The following EPAS1 variants were observed in gnomAD, a reference collection of about 807,000 sequenced individuals.
EPAS1 encodes the protein endothelial PAS domain-containing protein 1.
A neutral mutation model predicts 87.9 loss-of-function variants in EPAS1; 23 were observed. The ratio of observed to expected loss-of-function variants is 0.26; its 90% CI spans 0.19 to 0.37. The LOEUF (loss-of-function observed/expected upper bound fraction) is 0.37, where lower values mean the gene tolerates loss of function less well. EPAS1 is among the 10% of genes least tolerant of loss of function. The pLI is 1.00. For missense variants in EPAS1, 1,138 were observed against 1,120.7 expected (o/e 1.02, Z -0.22); for synonymous variants, 508 against 444.3 (o/e 1.14, Z -1.80).
chr2:46,312,375 C>T (rs894126699), intron 1 of EPAS1, among the ~76,000 whole-genome samples: 5 of 152,114 alleles, frequency 3.3e-5, no homozygotes, highest in South Asian at 4.1e-4. Context: ...AACCCCTTTC[C>T]TAAGTGGGGT....
At chr2:46,357,297 G>A (rs1239561622) in intron 4 of EPAS1, among the ~76,000 whole-genome samples, 1 of 152,200 alleles carries the variant, frequency 6.6e-6, no homozygotes, top group Non-Finnish European at 1.5e-5. Flanking sequence ...AGTCATCTGG[G>A]GGCCAGACTA....
intron 14 of EPAS1, 95 bp downstream of exon 14, chr2:46,382,184 G>C: frequency 8.2e-7 from 1 of 1,215,858 alleles, no homozygotes; most frequent in Admixed American, 2.0e-5. Context: ...ACCACAGGCC[G>C]TACCTGCCTC....
rs190705037 is a variant in EPAS1 at position 46,379,697 on chromosome 2, A to T, written c.1555-530A>T. 6.3e-4 allele frequency: 114 copies of T among 179,836 alleles called. 1 individual carries two copies. The highest frequency in any genetic ancestry group is 2.6e-3 in the African/African-American group (111 of 42,456). 11.1% of individuals were successfully genotyped at this position (179,836 alleles called of 1,614,324 possible). ...TAAGGGATGATCTGAGTATCTGCTGATTGGAACCAAAGTCTCTGTCCCTGG... is the reference window on the plus strand; with the variant it reads ...TAAGGGATGATCTGAGTATCTGCTGTTTGGAACCAAAGTCTCTGTCCCTGG... On this transcript the variant is annotated intron_variant, in intron 11 of 15. Transcript: ENST00000263734.
chr2:46,353,167 G>A (rs1016438490), intron 2 of EPAS1, among the ~76,000 whole-genome samples: 2 of 152,194 alleles, frequency 1.3e-5, no homozygotes, highest in Non-Finnish European at 2.9e-5. Context: ...TGTGATTGAA[G>A]TGGCGCTGAA....
intron 2 of EPAS1, among the ~76,000 whole-genome samples, chr2:46,353,242 C>T (rs148754344): frequency 1.6e-3 from 239 of 152,270 alleles, no homozygotes; most frequent in African/African-American, 5.1e-3. Context: ...TAAGGTCACT[C>T]GTAGGATCTT....
intron 1 of EPAS1, among the ~76,000 whole-genome samples, chr2:46,342,948 G>C (rs1023954745): frequency 6.6e-6 from 1 of 152,116 alleles, no homozygotes; most frequent in African/African-American, 2.4e-5. Flanking sequence ...CCACCTCGGG[G>C]AGAGTAACTA....
intron 15 of EPAS1, 54 bp downstream of exon 15, chr2:46,382,652 G>C (rs1328475426): frequency 6.2e-7 from 1 of 1,607,304 alleles, no homozygotes; most frequent in Non-Finnish European, 8.5e-7. Context: ...GCCAGGGGAA[G>C]CCCACGTCTA....
In EPAS1 at chr2:46,380,184, G is replaced by A. The variant is rs375663565; in HGVS notation, c.1555-43G>A. The A allele has an allele frequency of 1.4e-5, 23 of 1,601,590 alleles. No individual in the cohort carries two copies. The highest frequency in any genetic ancestry group is 8.9e-5 in the East Asian group (4 of 44,886). On this transcript the variant is annotated intron_variant, in intron 11 of 15. Coordinates refer to ENST00000263734, the MANE Select transcript of EPAS1 (RefSeq NM_001430.5). This position sits in a 1 kb window ranked among gnomAD's most constrained non-coding sequence, Gnocchi z 4.4. The stretch of plus-strand genomic sequence containing the variant: ...GAGTTGGAATAGTGTTTGTGAGGTC[G>A]TACCAACCCCCTTGCCTCTTTGCCG...
chr2:46,369,550 G>T (rs1024653123), intron 6 of EPAS1, among the ~76,000 whole-genome samples: 1 of 152,172 alleles, frequency 6.6e-6, no homozygotes, highest in Admixed American at 6.5e-5. Context: ...TGTGTGTACC[G>T]GGGTGGTGGG....
chr2:46,352,223 T>C (rs1372778397), intron 2 of EPAS1, among the ~76,000 whole-genome samples: 1 of 152,206 alleles, frequency 6.6e-6, no homozygotes, highest in East Asian at 1.9e-4. Flanking sequence ...GCACCTACTC[T>C]GGGCTCCTCA....
chr2:46,325,952 C>T lies in EPAS1; in HGVS notation c.27-20921C>T, dbSNP rs1017948328. On this transcript the variant is annotated intron_variant, in intron 1 of 15. Coordinates refer to ENST00000263734, the MANE Select transcript of EPAS1 (RefSeq NM_001430.5). ...GTAGCTAAGCTGTAGTGATCACTTC[C>T]TGCAAAGAAAACCATAATTATGGCG... Among the ~76,000 whole-genome samples, 5 of 152,246 alleles carry T rather than the reference C, an allele frequency of 3.3e-5. No homozygotes were observed. In the South Asian group the frequency reaches 1.0e-3, roughly 32 times the overall value.
intron 1 of EPAS1, among the ~76,000 whole-genome samples, chr2:46,332,382 T>C (rs1683702674): frequency 6.6e-6 from 1 of 150,674 alleles, no homozygotes; most frequent in Admixed American, 6.6e-5. Flanking sequence ...GAAGTAAAGA[T>C]GACATTATCT....
intron 6 of EPAS1, among the ~76,000 whole-genome samples, chr2:46,365,609 A>G (rs1684484636): frequency 6.6e-6 from 1 of 152,232 alleles, no homozygotes; most frequent in Non-Finnish European, 1.5e-5. Context: ...CACTCCACAG[A>G]CAGGATAGAA....
rs1054654302 is a variant in EPAS1 at position 46,360,808 on chromosome 2, T to G, written c.573+52T>G. The G allele has an allele frequency of 3.7e-6, 6 of 1,611,946 alleles. No individual in the cohort carries two copies. The highest frequency in any genetic ancestry group is 5.1e-6 in the Non-Finnish European group (6 of 1,178,200). ...AGTCCCAGGTGTAGGGTAACGGCGG[T>G]GCAGGGGATGCCTAAGGCCCTACCC... On this transcript the variant is annotated intron_variant, in intron 5 of 15. Transcript: ENST00000263734. This position sits in a 1 kb window ranked among gnomAD's most constrained non-coding sequence, Gnocchi z 4.5.
At chr2:46,331,597 C>CGTCA (rs1448125302) in intron 1 of EPAS1, among the ~76,000 whole-genome samples, 1 of 152,146 alleles carries the variant, frequency 6.6e-6, no homozygotes, top group African/African-American at 2.4e-5. Context: ...GGCCATCAGA[C>CGTCA]GTCACTCCAA....
intron 2 of EPAS1, among the ~76,000 whole-genome samples, chr2:46,349,126 G>C (rs547999641): frequency 6.6e-6 from 1 of 152,312 alleles, no homozygotes; most frequent in East Asian, 1.9e-4. Flanking sequence ...GACAAGGGCT[G>C]GGGTATGGGG....
At position 46,369,812 on chromosome 2, in the gene EPAS1, T is replaced by C; in HGVS notation, c.780-15T>C. 2.5e-6 allele frequency: 4 copies of C among 1,603,820 alleles called. No individual in the cohort carries two copies. Among genetic ancestry groups the C allele is most frequent in the Non-Finnish European group, 3.4e-6 (4 of 1,172,480 alleles). ...TGGTCTTTCTTCCTTACATGCTGCC[T>C]TTTTAAAAACTCAGAATCACAGAAC... On this transcript the variant is annotated splice_polypyrimidine_tract_variant and intron_variant, in intron 6 of 15. Transcript: ENST00000263734.
intron 1 of EPAS1, among the ~76,000 whole-genome samples, chr2:46,341,965 C>T (rs1449722897): frequency 6.6e-6 from 1 of 152,136 alleles, no homozygotes; most frequent in Admixed American, 6.5e-5. Context: ...TTAAGTCCAA[C>T]CCCATCTGCC....
intron 1 of EPAS1, among the ~76,000 whole-genome samples, chr2:46,312,713 A>G (rs1226896237): frequency 1.3e-5 from 2 of 152,200 alleles, no homozygotes; most frequent in Non-Finnish European, 2.9e-5. Flanking sequence ...GTTTTTACTA[A>G]TAATGATTTT....
Sources: allele counts gnomAD v4.1 joint callset (sites outside exome capture counted in the v4.1 genomes callset), GRCh38; gene constraint gnomAD v4.1.1; non-coding constraint Gnocchi (gnomAD v3.1); transcripts MANE v1.5; gene names NCBI Gene and HGNC (gene_info 2026-07-23, HGNC 2026-07-21).